Variants in NAV2 observed in about 807,000 individuals in gnomAD.
The protein encoded by NAV2 is neuron navigator 2, also known as helicase, APC down-regulated 1.
In NAV2, 54 loss-of-function variants were observed where a neutral mutation model predicts 223.2. The ratio of observed to expected loss-of-function variants is 0.24; its 90% CI spans 0.19 to 0.30. The LOEUF is 0.30. NAV2 is among the 10% of genes least tolerant of loss of function. The pLI is 1.00. For synonymous variants in NAV2, 1,279 were observed against 1,239.3 expected, an observed-to-expected ratio of 1.03 and a Z score of -0.67; for missense variants, 2,806 against 3,147.5, an observed-to-expected ratio of 0.89 and a Z score of 2.60.
chr11:19,643,773 TC>T (rs1006965876), intron 1 of NAV2, among the ~76,000 whole-genome samples: 3 of 152,186 alleles, frequency 2.0e-5, no homozygotes, highest in African/African-American at 7.2e-5. Flanking sequence ...TAGTTTACAG[TC>T]CCACCAACAG....
intron 11 of NAV2, among the ~76,000 whole-genome samples, chr11:19,990,194 T>G (rs1470256579): frequency 6.6e-6 from 1 of 152,220 alleles, no homozygotes; most frequent in Non-Finnish European, 1.5e-5. Flanking sequence ...GCCAGTTGCC[T>G]CCTTGGCCTT....
intron 11 of NAV2, among the ~76,000 whole-genome samples, chr11:19,986,887 T>G (rs1350187436): frequency 6.6e-6 from 1 of 152,256 alleles, no homozygotes; most frequent in Non-Finnish European, 1.5e-5. Flanking sequence ...TGTAAAATTC[T>G]TTATGTAAAT....
intron 11 of NAV2, among the ~76,000 whole-genome samples, chr11:20,029,217 A>G (rs1278452624): frequency 6.6e-6 from 1 of 152,216 alleles, no homozygotes; most frequent in Non-Finnish European, 1.5e-5. Context: ...GGCTTAGTCC[A>G]GCTACTCCAT....
intron 11 of NAV2, among the ~76,000 whole-genome samples, chr11:20,005,238 C>CATATATATATAATATATATATAAT (rs1293698285): frequency 4.9e-5 from 4 of 80,926 alleles, no homozygotes; most frequent in African/African-American, 1.2e-4. Context: ...GAGTTTTAAT[C>CATATATATATAATATATATATAAT]ATATATATAT....
At chr11:19,557,874 C>A (rs2044953972) in intron 1 of NAV2, among the ~76,000 whole-genome samples, 1 of 152,288 alleles carries the variant, frequency 6.6e-6, no homozygotes, top group Middle Eastern at 3.4e-3. Flanking sequence ...GGGGCAGCAT[C>A]GAGCCAGAAT....
intron 1 of NAV2, among the ~76,000 whole-genome samples, chr11:19,773,997 A>G (rs1411729058): frequency 6.6e-6 from 1 of 152,160 alleles, no homozygotes; most frequent in Non-Finnish European, 1.5e-5. Context: ...GTCCCAGCCT[A>G]CCAAATAACC....
intron 1 of NAV2, among the ~76,000 whole-genome samples, chr11:19,753,212 A>C (rs2053975047): frequency 6.6e-6 from 1 of 152,080 alleles, no homozygotes; most frequent in African/African-American, 2.4e-5. Flanking sequence ...GACACTCCCC[A>C]CTTCATGAGT....
chr11:19,964,168 G>A (rs1397817763), intron 10 of NAV2, among the ~76,000 whole-genome samples: 1 of 152,148 alleles, frequency 6.6e-6, no homozygotes, highest in East Asian at 1.9e-4. Context: ...GAGAGGGAGA[G>A]AGACAGAGAT....
chr11:19,946,762 C>G (rs377282221), intron 9 of NAV2, among the ~76,000 whole-genome samples: 110 of 152,286 alleles, frequency 7.2e-4, no homozygotes, highest in African/African-American at 2.6e-3. Context: ...TAGACCAGCT[C>G]TATTTAAATT....
At chr11:19,472,408 A>T (rs1002661816) in intron 1 of NAV2, among the ~76,000 whole-genome samples, 1 of 152,196 alleles carries the variant, frequency 6.6e-6, no homozygotes, top group Non-Finnish European at 1.5e-5. Context: ...AGAATTCAGT[A>T]ATTGATACAT....
At chr11:19,645,970 G>A (rs1016793795) in intron 1 of NAV2, among the ~76,000 whole-genome samples, 6 of 152,226 alleles carry the variant, frequency 3.9e-5, no homozygotes, top group South Asian at 4.1e-4. Context: ...CCATTGCTGC[G>A]GCCAAGAACC....
At chr11:20,107,524 C>A in intron 35 of NAV2, 140 bp from the exon 36 acceptor site, 1 of 683,836 alleles carries the variant, frequency 1.5e-6, no homozygotes, top group South Asian at 1.7e-5. Context: ...GGCTAGTATA[C>A]CTGCGTTCAG....
chr11:19,895,358 T>C (rs886423513), intron 6 of NAV2, among the ~76,000 whole-genome samples: 1 of 152,166 alleles, frequency 6.6e-6, no homozygotes, highest in Non-Finnish European at 1.5e-5. Context: ...ATTGCAGGTG[T>C]GAGCCACTGC....
chr11:19,825,804 G>T (rs2059618574), intron 1 of NAV2, among the ~76,000 whole-genome samples: 1 of 152,104 alleles, frequency 6.6e-6, no homozygotes. Context: ...TTCTCTTTTG[G>T]ATTTCAGCCT....
intron 36 of NAV2, among the ~76,000 whole-genome samples, chr11:20,112,815 G>C (rs2062752585): frequency 6.6e-6 from 1 of 152,222 alleles, no homozygotes; most frequent in African/African-American, 2.4e-5. Context: ...GGTAAATGAG[G>C]GGGTGGGGCT....
chr11:19,430,426 T>C (rs2133589080), intron 1 of NAV2, among the ~76,000 whole-genome samples: 1 of 152,238 alleles, frequency 6.6e-6, no homozygotes. Flanking sequence ...CTTGAGACAG[T>C]TCAAACCCAG....
intron 1 of NAV2, among the ~76,000 whole-genome samples, chr11:19,749,857 G>A (rs181169020): frequency 1.5e-3 from 235 of 152,382 alleles, no homozygotes; most frequent in African/African-American, 5.3e-3. Context: ...GGTGCCGTTT[G>A]TCATCTGCGG....
intron 3 of NAV2, among the ~76,000 whole-genome samples, chr11:19,859,148 T>C (rs2061545398): frequency 7.0e-6 from 1 of 142,900 alleles, no homozygotes; most frequent in Non-Finnish European, 1.5e-5. Flanking sequence ...TTTTTTTTTT[T>C]TTTTTTTTTT....
chr11:19,381,350 T>G (rs556791756), intron 1 of NAV2, among the ~76,000 whole-genome samples: 1 of 152,360 alleles, frequency 6.6e-6, no homozygotes, highest in East Asian at 1.9e-4. Flanking sequence ...AAATGTTCAT[T>G]AAACACTTAA....
Sources: gnomAD v4.1 joint callset for allele counts (sites outside exome capture counted in the v4.1 genomes callset) on GRCh38, gnomAD v4.1.1 for gene constraint, MANE v1.5 for transcripts, NCBI Gene and HGNC (gene_info 2026-07-23, HGNC 2026-07-21) for gene names.